ASIC2: variants seen among roughly 807,000 people sequenced by gnomAD.
ASIC2 encodes the protein acid sensing ion channel subunit 2, also known as acid-sensing ion channel 2.
Under a neutral mutation model 57.3 loss-of-function variants are expected in ASIC2, and 25 were observed. The observed-to-expected ratio is 0.44, with a 90% CI of 0.32 to 0.61. The LOEUF (loss-of-function observed/expected upper bound fraction) is 0.61, where lower values mean the gene tolerates loss of function less well. Among genes scored for constraint, ASIC2 ranks in the 20% least tolerant of loss-of-function variants. ASIC2 has a pLI of 0.06. For missense variants in ASIC2, 641 were observed against 738.1 expected, an observed-to-expected ratio of 0.87 and a Z score of 1.52; for synonymous variants, 319 against 307.5, an observed-to-expected ratio of 1.04 and a Z score of -0.39.
At chr17:33,839,431 C>A (rs1369896592) in intron 1 of ASIC2, among the ~76,000 whole-genome samples, 1 of 152,224 alleles carries the variant, frequency 6.6e-6, no homozygotes, top group Non-Finnish European at 1.5e-5. Context: ...TTAATTCAAG[C>A]AAAACTAATT....
chr17:33,238,114 GT>G (rs1908366793), intron 1 of ASIC2, among the ~76,000 whole-genome samples: 1 of 152,198 alleles, frequency 6.6e-6, no homozygotes, highest in South Asian at 2.1e-4. Context: ...CACAGGTTTT[GT>G]TTTTATTTTT....
At chr17:34,064,193 A>G (rs958371975) in intron 1 of ASIC2, among the ~76,000 whole-genome samples, 6 of 152,212 alleles carry the variant, frequency 3.9e-5, no homozygotes, top group African/African-American at 7.2e-5. Flanking sequence ...AGACCAATGG[A>G]ACAGAATAGA....
In ASIC2 at chr17:34,016,423, CAAAAAAAAAAA is replaced by C. The variant is rs398041640; in HGVS notation, c.555+139544_555+139554del. 1.2e-3 allele frequency among the ~76,000 whole-genome samples: 49 copies of C among 41,472 alleles called. 1 individual carries two copies. The highest frequency in any genetic ancestry group is 3.7e-3 in the African/African-American group (45 of 12,098). The allele number at this position is 41,472 out of a possible 152,430, so 27.2% of individuals were successfully genotyped here. On this transcript the variant is annotated intron_variant, in intron 1 of 9. Transcript: ENST00000359872. The stretch of plus-strand genomic sequence containing the variant: ...TGGACGAAAGAGCGAGACTCCGTCT[CAAAAAAAAAAA>C]AAAAAAAAAAAAAGAAACAATGCAA...
chr17:33,912,322 T>C (rs1450264249), intron 1 of ASIC2, among the ~76,000 whole-genome samples: 4 of 149,000 alleles, frequency 2.7e-5, no homozygotes, highest in East Asian at 2.0e-4. Flanking sequence ...CAAAAACCCG[T>C]CTCTGTTAAA....
intron 1 of ASIC2, among the ~76,000 whole-genome samples, chr17:33,215,479 T>C (rs1907441042): frequency 6.6e-6 from 1 of 152,208 alleles, no homozygotes; most frequent in African/African-American, 2.4e-5. Context: ...ATTATGGGTA[T>C]GTAATACCAT....
intron 1 of ASIC2, among the ~76,000 whole-genome samples, chr17:33,415,901 A>G (rs1311749422): frequency 1.3e-5 from 2 of 152,184 alleles, no homozygotes; most frequent in African/African-American, 2.4e-5. Context: ...TCCGCCTGGA[A>G]CCTGTGTGGG....
chr17:33,163,370 C>T (rs1281000973), intron 1 of ASIC2, among the ~76,000 whole-genome samples: 4 of 152,018 alleles, frequency 2.6e-5, no homozygotes, highest in Middle Eastern at 3.2e-3. Context: ...TGGAGTGCCC[C>T]GCACTGACAT....
intron 1 of ASIC2, among the ~76,000 whole-genome samples, chr17:33,752,380 C>CAA (rs34559402): frequency 4.0e-5 from 6 of 150,990 alleles, no homozygotes; most frequent in Non-Finnish European, 7.4e-5. Context: ...CTTTCATTAG[C>CAA]AAAAAAAAGT....
intron 1 of ASIC2, among the ~76,000 whole-genome samples, chr17:33,738,004 A>C (rs17783280): frequency 0.14 from 21,586 of 152,254 alleles, 1,641 homozygotes; most frequent in African/African-American, 0.18. Flanking sequence ...TATGGAACTA[A>C]ATTGCTGGTA....
chr17:33,849,102 C>T (rs1043725837), intron 1 of ASIC2, among the ~76,000 whole-genome samples: 1 of 152,202 alleles, frequency 6.6e-6, no homozygotes, highest in Non-Finnish European at 1.5e-5. Context: ...TTGAATCCTT[C>T]ACCCTTCTAT....
chr17:33,939,365 A>G lies in ASIC2; in HGVS notation c.555+216613T>C, dbSNP rs118118933. ...GGAAATTGAATCAGAACTAGAAACA[A>G]TATCTCTTGGCTCTAGGCCTGGTGA... On this transcript the variant is annotated intron_variant, in intron 1 of 9. Coordinates refer to the ASIC2 transcript ENST00000359872. Among the ~76,000 whole-genome samples, 429 of 152,320 alleles carry G rather than the reference A, an allele frequency of 2.8e-3. 12 individuals carry two copies. The South Asian group carries it at 0.055, about 19-fold the overall frequency.
At position 33,507,451 on chromosome 17, in the gene ASIC2, A is replaced by G. The variant is rs188662450; in HGVS notation, c.556-395384T>C. Among the ~76,000 whole-genome samples the G allele has an allele frequency of 3.9e-5, 6 of 152,280 alleles. No individual in the cohort carries two copies. The East Asian group carries it at 1.2e-3, about 29-fold the overall frequency. On this transcript the variant is annotated intron_variant, in intron 1 of 9. Coordinates refer to the ASIC2 transcript ENST00000359872. ...ATTTCCTACCTAGACTCTGAGGTTT[A>G]TTCTATTTGGAGTTTGCATCCTCTT...
intron 1 of ASIC2, among the ~76,000 whole-genome samples, chr17:33,568,385 A>T (rs1392190940): frequency 1.3e-5 from 2 of 151,980 alleles, no homozygotes; most frequent in Non-Finnish European, 1.5e-5. Context: ...TGTGCAACCA[A>T]CCTCTGAATT....
chr17:33,089,115 G>T (rs1443373043), intron 2 of ASIC2, 125 bp from the exon 3 acceptor site: 4 of 1,296,706 alleles, frequency 3.1e-6, no homozygotes, highest in South Asian at 3.1e-5. Flanking sequence ...GGCCCCCAAA[G>T]GTGTCCACAT....
chr17:33,187,052 T>C (rs1045863157), intron 1 of ASIC2, among the ~76,000 whole-genome samples: 2 of 152,166 alleles, frequency 1.3e-5, no homozygotes, highest in African/African-American at 4.8e-5. Context: ...AAGGTCACGG[T>C]CACTATTTGG....
At chr17:33,950,956 A>G (rs1042185220) in intron 1 of ASIC2, among the ~76,000 whole-genome samples, 1 of 152,140 alleles carries the variant, frequency 6.6e-6, no homozygotes, top group Admixed American at 6.5e-5. Flanking sequence ...CAGAGGTATG[A>G]TTTAGTCCCT....
chr17:33,218,448 G>A (rs1428735665), intron 1 of ASIC2, among the ~76,000 whole-genome samples: 1 of 152,216 alleles, frequency 6.6e-6, no homozygotes, highest in East Asian at 1.9e-4. Flanking sequence ...CTCAAAGTCT[G>A]TTGGGTGAAT....
intron 1 of ASIC2, among the ~76,000 whole-genome samples, chr17:33,747,996 T>C (rs2951665): frequency 0.37 from 56,436 of 152,236 alleles, 12,751 homozygotes; most frequent in Non-Finnish European, 0.52. Flanking sequence ...CAACCTCAAG[T>C]GGAAGGTACC....
chr17:33,374,889 T>C (rs1909221011), intron 1 of ASIC2, among the ~76,000 whole-genome samples: 1 of 152,168 alleles, frequency 6.6e-6, no homozygotes, highest in African/African-American at 2.4e-5. Context: ...TCTCGTTTAC[T>C]TTGAACCACA....
Sources: allele counts gnomAD v4.1 joint callset (sites outside exome capture counted in the v4.1 genomes callset), GRCh38; gene constraint gnomAD v4.1.1; transcripts MANE v1.5; gene names NCBI Gene and HGNC (gene_info 2026-07-23, HGNC 2026-07-21).